The following FRMD4A variants were observed in gnomAD, a reference collection of about 807,000 sequenced individuals.
The protein encoded by FRMD4A is FERM domain containing 4A.
FRMD4A carries 29 observed loss-of-function variants against 129.1 expected under a neutral mutation model. The observed-to-expected ratio is 0.22, with a 90% CI of 0.17 to 0.31. The LOEUF (loss-of-function observed/expected upper bound fraction) is 0.31, where lower values mean the gene tolerates loss of function less well. Among genes scored for constraint, FRMD4A ranks in the 10% least tolerant of loss-of-function variants. The probability of loss-of-function intolerance (pLI) is 1.00; values close to 1 mark genes in which losing one functional copy is unlikely to be tolerated. For synonymous variants in FRMD4A, 634 were observed against 571.6 expected, an observed-to-expected ratio of 1.11 and a Z score of -1.56; for missense variants, 1,272 against 1,375.8, an observed-to-expected ratio of 0.92 and a Z score of 1.19.
chr10:13,797,720 A>G (rs531990880), intron 4 of FRMD4A, among the ~76,000 whole-genome samples: 1 of 152,166 alleles, frequency 6.6e-6, no homozygotes, highest in Non-Finnish European at 1.5e-5. Flanking sequence ...ACCCCACTGC[A>G]TTTCCCCCGT....
intron 2 of FRMD4A, among the ~76,000 whole-genome samples, chr10:14,239,697 T>A (rs1169177153): frequency 6.6e-6 from 1 of 151,888 alleles, no homozygotes; most frequent in African/African-American, 2.4e-5. Context: ...AGGTTTCTAC[T>A]GATCTAAAAT....
intron 2 of FRMD4A, among the ~76,000 whole-genome samples, chr10:13,876,511 G>T (rs1198623762): frequency 6.6e-6 from 1 of 152,164 alleles, no homozygotes; most frequent in Non-Finnish European, 1.5e-5. Flanking sequence ...TGCTGGTTTG[G>T]TAGAGAATTC....
Position 13,657,540 on chromosome 10 carries a change from G to T in FRMD4A, c.2067-18C>A, listed in dbSNP as rs758569966. On this transcript the variant is annotated intron_variant, in intron 21 of 24. Coordinates refer to ENST00000357447, the MANE Select transcript of FRMD4A (RefSeq NM_018027.5). ...CCACCGACCTGCCGGGAGACGACCC[G>T]GGTTGGTCTGGGGGTGGGGAGTGGG... 5.2e-6 allele frequency: 8 copies of T among 1,549,690 alleles called. No homozygotes were observed. Among genetic ancestry groups the T allele is most frequent in the Middle Eastern group, 3.9e-4 (2 of 5,076 alleles).
rs570485167 is a variant in FRMD4A, at chr10:14,282,945, G to T, written c.45+47113C>A. On this transcript the variant is annotated intron_variant, in intron 2 of 24. Transcript: ENST00000357447. ...ACCACTTAAGCCTTAGCTACAACCA[G>T]AAAAAGTGGTTTCCTAGGATTTGCC... 2.3e-4 allele frequency among the ~76,000 whole-genome samples: 35 copies of T among 152,282 alleles called. No individual in the cohort carries two copies. The South Asian group carries it at 6.8e-3, about 30-fold the overall frequency.
At chr10:14,277,269 G>A (rs1297690913) in intron 2 of FRMD4A, among the ~76,000 whole-genome samples, 1 of 152,194 alleles carries the variant, frequency 6.6e-6, no homozygotes, top group Non-Finnish European at 1.5e-5. Context: ...GGATGAAAGA[G>A]GCTCTGGTCT....
chr10:14,056,862 G>A (rs1327480913), intron 2 of FRMD4A, among the ~76,000 whole-genome samples: 2 of 152,114 alleles, frequency 1.3e-5, no homozygotes, highest in Non-Finnish European at 2.9e-5. Context: ...TCATAAATTT[G>A]AAAAATAAAT....
intron 2 of FRMD4A, among the ~76,000 whole-genome samples, chr10:13,897,206 C>T (rs1312879299): frequency 6.6e-6 from 1 of 152,238 alleles, no homozygotes. Flanking sequence ...GAGACTCTTT[C>T]TGCAAAGAGA....
chr10:14,047,779 C>A (rs1834051671), intron 2 of FRMD4A, among the ~76,000 whole-genome samples: 1 of 152,160 alleles, frequency 6.6e-6, no homozygotes, highest in Non-Finnish European at 1.5e-5. Flanking sequence ...GGGGTTTTAA[C>A]CCCAGTGAGT....
At chr10:13,828,535 C>CTTTCTTT (rs1554923864) in intron 3 of FRMD4A, among the ~76,000 whole-genome samples, 49 of 135,194 alleles carry the variant, frequency 3.6e-4, no homozygotes, top group Non-Finnish European at 4.8e-4. Context: ...TTCTTTCTTT[C>CTTTCTTT]TTTTTTTTTT....
intron 2 of FRMD4A, among the ~76,000 whole-genome samples, chr10:13,874,616 T>C (rs1361024627): frequency 6.6e-6 from 1 of 152,198 alleles, no homozygotes; most frequent in African/African-American, 2.4e-5. Flanking sequence ...ATAAAATCAT[T>C]TAGTTAGTAG....
chr10:13,698,639 T>C (rs556352233), intron 14 of FRMD4A, among the ~76,000 whole-genome samples: 1 of 152,240 alleles, frequency 6.6e-6, no homozygotes, highest in Non-Finnish European at 1.5e-5. Context: ...AGATGGCACG[T>C]ATTTCCTCAA....
intron 2 of FRMD4A, among the ~76,000 whole-genome samples, chr10:14,049,546 T>A (rs191221054): frequency 5.9e-5 from 9 of 152,282 alleles, no homozygotes; most frequent in African/African-American, 1.9e-4. Context: ...AAAGTAAATA[T>A]TTTTTTCCTC....
intron 6 of FRMD4A, among the ~76,000 whole-genome samples, chr10:13,778,605 GTGTGTGTGTGTGTGTGTT>G (rs1249509589): frequency 1.4e-5 from 2 of 146,580 alleles, no homozygotes; most frequent in African/African-American, 2.5e-5. Flanking sequence ...CAACGTGTGT[GTGTGTGTGTGTGTGTGTT>G]TGTGTGTGTG....
At chr10:13,728,589 T>TTTTTTTTTTTTTTTTTA (rs1255230756) in intron 12 of FRMD4A, among the ~76,000 whole-genome samples, 1 of 145,536 alleles carries the variant, frequency 6.9e-6, no homozygotes, top group Non-Finnish European at 1.5e-5. Flanking sequence ...TTTTTTTTTT[T>TTTTTTTTTTTTTTTTTA]TGAGATGGAG....
At chr10:13,892,278 G>A (rs561364288) in intron 2 of FRMD4A, among the ~76,000 whole-genome samples, 4 of 152,246 alleles carry the variant, frequency 2.6e-5, no homozygotes, top group Admixed American at 6.5e-5. Flanking sequence ...TCCCTTGGCT[G>A]AAGGCACAGC....
chr10:14,227,406 T>A (rs907500471), intron 2 of FRMD4A, among the ~76,000 whole-genome samples: 3 of 151,716 alleles, frequency 2.0e-5, no homozygotes, highest in Non-Finnish European at 4.4e-5. Context: ...CATGTACCAC[T>A]AACCCCGGCT....
At chr10:14,090,469 A>C (rs1434706429) in intron 2 of FRMD4A, among the ~76,000 whole-genome samples, 2 of 152,192 alleles carry the variant, frequency 1.3e-5, no homozygotes, top group African/African-American at 4.8e-5. Flanking sequence ...CGTGGGCATC[A>C]TGGAAACAGC....
chr10:13,812,745 T>C (rs540383498), intron 3 of FRMD4A, among the ~76,000 whole-genome samples: 1 of 152,336 alleles, frequency 6.6e-6, no homozygotes, highest in Admixed American at 6.5e-5. Flanking sequence ...AAGAATGGGT[T>C]TGAAGCTTCC....
chr10:14,240,171 C>T (rs144340560), intron 2 of FRMD4A, among the ~76,000 whole-genome samples: 1 of 152,284 alleles, frequency 6.6e-6, no homozygotes, highest in Non-Finnish European at 1.5e-5. Flanking sequence ...TCTTCCCTTC[C>T]CCTCCGAAAC....
Sources: allele counts gnomAD v4.1 joint callset (sites outside exome capture counted in the v4.1 genomes callset), GRCh38; gene constraint gnomAD v4.1.1; transcripts MANE v1.5; gene names NCBI Gene and HGNC (gene_info 2026-07-23, HGNC 2026-07-21).